The following DARS1 variants were observed in gnomAD, a reference collection of about 807,000 sequenced individuals.
DARS1 encodes aspartyl-tRNA synthetase 1.
A neutral mutation model predicts 68.8 loss-of-function variants in DARS1; 51 were observed. The ratio of observed to expected loss-of-function variants is 0.74; its 90% CI spans 0.59 to 0.94. The LOEUF (loss-of-function observed/expected upper bound fraction) is 0.94, where lower values mean the gene tolerates loss of function less well. DARS1 is among the 40% of genes least tolerant of loss of function. DARS1 has a pLI of 0.00. For missense variants in DARS1, 607 were observed against 597.3 expected, an observed-to-expected ratio of 1.02 and a Z score of -0.17; for synonymous variants, 203 against 190.4, an observed-to-expected ratio of 1.07 and a Z score of -0.55.
intron 1 of DARS1, among the ~76,000 whole-genome samples, chr2:135,984,098 C>G (rs1393616633): frequency 1.3e-5 from 2 of 152,156 alleles, no homozygotes; most frequent in Non-Finnish European, 2.9e-5. Flanking sequence ...GAGTTAGGAA[C>G]AGGAAACAGA....
At chr2:135,969,020 G>A (rs1682303697) in intron 3 of DARS1, among the ~76,000 whole-genome samples, 1 of 151,908 alleles carries the variant, frequency 6.6e-6, no homozygotes, top group South Asian at 2.1e-4. Context: ...GCAAGGATGT[G>A]GAGAAAGTGG....
intron 5 of DARS1, among the ~76,000 whole-genome samples, chr2:135,936,814 C>G (rs1681481140): frequency 6.6e-6 from 1 of 152,080 alleles, no homozygotes; most frequent in Admixed American, 6.6e-5. Context: ...TCCAAGAAAA[C>G]AGATTCCAGC....
chr2:135,933,476 T>A (rs1404935440), intron 6 of DARS1, among the ~76,000 whole-genome samples: 1 of 152,140 alleles, frequency 6.6e-6, no homozygotes, highest in Non-Finnish European at 1.5e-5. Context: ...GGGAGCTGAG[T>A]GGTTAAGGCA....
chr2:135,941,688 A>G (rs1663396712), intron 5 of DARS1, among the ~76,000 whole-genome samples: 2 of 151,592 alleles, frequency 1.3e-5, no homozygotes, highest in South Asian at 4.2e-4. Flanking sequence ...GAGCTTCTGC[A>G]CAGCAAAAGA....
chr2:135,983,516 A>G (rs1558804050), intron 1 of DARS1, 62 bp from the exon 2 acceptor site: 5 of 657,382 alleles, frequency 7.6e-6, no homozygotes, highest in Non-Finnish European at 1.3e-5. Flanking sequence ...CAGTAAACAC[A>G]TAAATACTAA....
intron 7 of DARS1, among the ~76,000 whole-genome samples, chr2:135,925,368 T>C (rs1681191850): frequency 6.6e-6 from 1 of 152,230 alleles, no homozygotes; most frequent in Admixed American, 6.5e-5. Flanking sequence ...TAGCTGTGAA[T>C]AACTGAGTTA....
Position 135,924,389 on chromosome 2 carries a change from G to A in DARS1, c.674C>T (p.Ser225Leu), listed in dbSNP as rs1486908908. 1.9e-6 allele frequency: 3 copies of A among 1,592,394 alleles called. No individual in the cohort carries two copies. The highest frequency in any genetic ancestry group is 2.6e-6 in the Non-Finnish European group (3 of 1,174,062). ...AAGAGAAATATTTTGAAGCATACCT[G>A]AAATAATTTTAGGAGTTTGGATTTC... Reference protein sequence around the residue: ...FVEIQTPKIISAASEGGANVF... With the variant: ...FVEIQTPKIILAASEGGANVF... Residue 225 changes from serine (S) to leucine (L), a missense_variant and splice_region_variant, in exon 8 of 16, where the codon TCA becomes TTA. Ser to Leu is a moderately radical substitution (Grantham distance 145, BLOSUM62 -2). Transcript: ENST00000264161.
chr2:135,985,515 C>G lies in DARS1; in HGVS notation c.-47G>C, dbSNP rs1682760092. ...GGACACCACCCTCCCTCGCAGGCTT[C>G]CGTAAGGCAGGCCAAAGGGGCTTCT... On this transcript the variant is annotated 5_prime_UTR_variant, in exon 1 of 16. Coordinates refer to ENST00000264161, the MANE Select transcript of DARS1 (RefSeq NM_001349.4). 1 of 1,613,650 alleles carries G rather than the reference C, an allele frequency of 6.2e-7. No homozygotes were observed. Among genetic ancestry groups the G allele is most frequent in the Admixed American group, 1.7e-5 (1 of 59,986 alleles).
chr2:135,932,037 T>C (rs1681364348), intron 7 of DARS1, among the ~76,000 whole-genome samples: 1 of 152,132 alleles, frequency 6.6e-6, no homozygotes, highest in Admixed American at 6.5e-5. Context: ...TGCTTGCTTT[T>C]CATATACAAA....
chr2:135,972,386 A>C (rs1383892341), intron 3 of DARS1, among the ~76,000 whole-genome samples: 2 of 152,204 alleles, frequency 1.3e-5, no homozygotes, highest in African/African-American at 4.8e-5. Flanking sequence ...TATGCAAAAG[A>C]CTAAAACTTG....
intron 4 of DARS1, among the ~76,000 whole-genome samples, 156 bp downstream of exon 4, chr2:135,961,239 GT>G (rs1682093784): frequency 6.6e-6 from 1 of 152,182 alleles, no homozygotes; most frequent in Non-Finnish European, 1.5e-5. Flanking sequence ...TCTTTTGTAA[GT>G]TTAATGTATT....
intron 4 of DARS1, among the ~76,000 whole-genome samples, chr2:135,945,235 CT>C (rs1235726304): frequency 2.6e-5 from 4 of 152,048 alleles, no homozygotes; most frequent in African/African-American, 9.7e-5. Flanking sequence ...TCAAGTGATT[CT>C]CCTGTCTCAG....
chr2:135,946,939 G>A (rs1038288681), intron 4 of DARS1, among the ~76,000 whole-genome samples: 5 of 152,006 alleles, frequency 3.3e-5, no homozygotes, highest in Middle Eastern at 3.2e-3. Context: ...GCACCACCAC[G>A]CCCGGCTAAT....
rs143946714 is a variant in DARS1, at chr2:135,947,005, C to A, written c.321-3525G>T. 1.9e-3 allele frequency among the ~76,000 whole-genome samples: 293 copies of A among 152,304 alleles called. 3 individuals are homozygous for A. Among genetic ancestry groups the A allele is most frequent in the African/African-American group, 6.9e-3 (285 of 41,584 alleles). ...TCATGTTGCCCAGGATGGTCTCGAACTCCTGGGCTCAAGTGATCCACCTGC... is the reference window on the plus strand; with the variant it reads ...TCATGTTGCCCAGGATGGTCTCGAAATCCTGGGCTCAAGTGATCCACCTGC... On this transcript the variant is annotated intron_variant, in intron 4 of 15. Transcript: ENST00000264161.
chr2:135,984,153 A>G (rs1375807477), intron 1 of DARS1, among the ~76,000 whole-genome samples: 1 of 152,232 alleles, frequency 6.6e-6, no homozygotes, highest in Non-Finnish European at 1.5e-5. Context: ...TATTAAATAG[A>G]TAAGTGGCCT....
chr2:135,965,399 A>G (rs184584762), intron 3 of DARS1, among the ~76,000 whole-genome samples: 61 of 152,316 alleles, frequency 4.0e-4, no homozygotes, highest in African/African-American at 1.4e-3. Flanking sequence ...TAAACAGGCA[A>G]TAGACCAAAA....
intron 5 of DARS1, among the ~76,000 whole-genome samples, chr2:135,940,849 C>T (rs1013903881): frequency 6.6e-6 from 1 of 152,034 alleles, no homozygotes; most frequent in Non-Finnish European, 1.5e-5. Flanking sequence ...AATCACAAGC[C>T]TTCCTATACA....
intron 3 of DARS1, among the ~76,000 whole-genome samples, chr2:135,967,064 G>A (rs1399821201): frequency 6.6e-6 from 1 of 152,160 alleles, no homozygotes; most frequent in East Asian, 1.9e-4. Flanking sequence ...CAATGAAATA[G>A]GCCTTCATGG....
At chr2:135,969,424 G>A (rs1682317976) in intron 3 of DARS1, among the ~76,000 whole-genome samples, 1 of 152,024 alleles carries the variant, frequency 6.6e-6, no homozygotes, top group Non-Finnish European at 1.5e-5. Context: ...CAGAGGATAG[G>A]TAGTATAGAA....
Sources: allele counts gnomAD v4.1 joint callset (sites outside exome capture counted in the v4.1 genomes callset), GRCh38; gene constraint gnomAD v4.1.1; transcripts MANE v1.5; gene names NCBI Gene and HGNC (gene_info 2026-07-23, HGNC 2026-07-21).